KCNQ1: variants seen among roughly 807,000 people sequenced by gnomAD.
The protein encoded by KCNQ1 is potassium voltage-gated channel subfamily KQT member 1.
KCNQ1 carries 49 observed loss-of-function variants against 72.4 expected under a neutral mutation model. The observed-to-expected ratio is 0.68, with a 90% CI of 0.54 to 0.86. KCNQ1 has a LOEUF of 0.86. Among genes scored for constraint, KCNQ1 ranks in the 40% least tolerant of loss-of-function variants. The pLI is 0.00. For synonymous variants in KCNQ1, 450 were observed against 412.6 expected (o/e 1.09, Z -1.10); for missense variants, 790 against 945.1 (o/e 0.84, Z 2.15).
At chr11:2,688,316 G>A (rs1564858639) in intron 11 of KCNQ1, 2 of 398,650 alleles carry the variant, frequency 5.0e-6, no homozygotes, top group East Asian at 3.6e-5. Context: ...ATCTAAGCAC[G>A]TCACACACAC....
chr11:2,623,680 C>T lies in KCNQ1; in HGVS notation c.1393+34826C>T. 1.0e-5 allele frequency: 4 copies of T among 398,520 alleles called. No homozygotes were observed. The highest frequency in any genetic ancestry group is 1.3e-5 in the Non-Finnish European group (3 of 226,032). The allele number at this position is 398,520 out of a possible 1,614,324, so 24.7% of individuals were successfully genotyped here. A position where few individuals can be genotyped will look rare whatever the true frequency, so the allele number is the denominator to read the frequency against. ...ATCTGTCTACTCACCTATGGAAGGACATCTCGGTTGCTTCCAATTTCAACA... is the reference window on the plus strand; with the variant it reads ...ATCTGTCTACTCACCTATGGAAGGATATCTCGGTTGCTTCCAATTTCAACA... On this transcript the variant is annotated intron_variant, in intron 10 of 15. Coordinates refer to ENST00000155840, the MANE Select transcript of KCNQ1 (RefSeq NM_000218.3). This position sits in a 1 kb window ranked among gnomAD's most constrained non-coding sequence, Gnocchi z 5.2.
At chr11:2,615,102 T>G (rs891390649) in intron 10 of KCNQ1, 1 of 398,208 alleles carries the variant, frequency 2.5e-6, no homozygotes, top group South Asian at 1.3e-4. Flanking sequence ...AGTGCAGAAG[T>G]CTTTCACCTT....
rs1848771364 is a variant in KCNQ1, at chr11:2,599,433, ACT to A, written c.1393+10582_1393+10583del. On this transcript the variant is annotated intron_variant, in intron 10 of 15. Transcript: ENST00000155840. The surrounding 1 kb of genome is among the most constrained non-coding windows in gnomAD (Gnocchi z 4.7). ...CTGCTTAATTTCCTTTGGTGTACAT[ACT>A]CTGTGATGTTCTCTATCGCTTAAAA... Among the ~76,000 whole-genome samples the A allele has an allele frequency of 6.6e-6, 1 of 152,022 alleles. No homozygotes were observed. The highest frequency in any genetic ancestry group is 2.4e-5 in the African/African-American group (1 of 41,362).
At chr11:2,714,041 A>G (rs1306085637) in intron 11 of KCNQ1, among the ~76,000 whole-genome samples, 1 of 151,788 alleles carries the variant, frequency 6.6e-6, no homozygotes, top group African/African-American at 2.4e-5. Flanking sequence ...CCTCCCCCAC[A>G]CAGGCAGTCT....
rs558551294 is a variant in KCNQ1 at position 2,588,652 on chromosome 11, C to T, written c.1252-61C>T. The T allele has an allele frequency of 1.3e-5, 21 of 1,605,512 alleles. No homozygotes were observed. The highest frequency in any genetic ancestry group is 1.1e-4 in the East Asian group (5 of 44,788). On this transcript the variant is annotated intron_variant, in intron 9 of 15. Coordinates refer to ENST00000155840, the MANE Select transcript of KCNQ1 (RefSeq NM_000218.3). This position sits in a 1 kb window ranked among gnomAD's most constrained non-coding sequence, Gnocchi z 5.6. Reference sequence around the variant, plus strand: ...GGCGGCTGCACAGGCACTCTGGGGCCGGCGTAGGGCCTGGCAGACGATGTC... The same window carrying T: ...GGCGGCTGCACAGGCACTCTGGGGCTGGCGTAGGGCCTGGCAGACGATGTC...
At chr11:2,570,530 C>G in intron 2 of KCNQ1, 98 bp from the exon 3 acceptor site, 1 of 1,531,686 alleles carries the variant, frequency 6.5e-7, no homozygotes, top group Non-Finnish European at 8.9e-7. Context: ...TGTCCTTCAG[C>G]GGAGGCTCCA....
In KCNQ1 at chr11:2,548,688, ATCT is replaced by A. The variant is rs567549168; in HGVS notation, c.477+20678_477+20680del. Among the ~76,000 whole-genome samples the A allele has an allele frequency of 3.3e-4, 50 of 152,364 alleles. No homozygotes were observed. In the East Asian group the frequency reaches 6.7e-3, roughly 21 times the overall value. ...ATACAGTGACCCACTTCAAGGTGAC[ATCT>A]TCTTCTTGCATCTCAGATAGCACCA... is the stretch of plus-strand genomic sequence containing the variant. On this transcript the variant is annotated intron_variant, in intron 2 of 15. Coordinates refer to ENST00000155840, the MANE Select transcript of KCNQ1 (RefSeq NM_000218.3).
intron 10 of KCNQ1, chr11:2,629,371 C>G (rs1009618898): frequency 7.0e-5 from 28 of 398,222 alleles, no homozygotes; most frequent in Non-Finnish European, 1.2e-4. Context: ...TTTATCTGTG[C>G]CTTTCATATT....
In KCNQ1 at chr11:2,824,294, A is replaced by G. The variant is rs1189100648; in HGVS notation, c.1795-23473A>G. 2.0e-5 allele frequency among the ~76,000 whole-genome samples: 3 copies of G among 152,140 alleles called. No homozygotes were observed. The highest frequency in any genetic ancestry group is 7.2e-5 in the African/African-American group (3 of 41,432). On this transcript the variant is annotated intron_variant, in intron 15 of 15. Coordinates refer to ENST00000155840, the MANE Select transcript of KCNQ1 (RefSeq NM_000218.3). The surrounding 1 kb of genome is among the most constrained non-coding windows in gnomAD (Gnocchi z 5.9). ...CCCTGGGAGGAGGGAGGCTAGGCCC[A>G]GGGGTGGAAAGAAGACAGATACGAG...
At chr11:2,719,157 G>A (rs1851158766) in intron 11 of KCNQ1, among the ~76,000 whole-genome samples, 1 of 51,980 alleles carries the variant, frequency 1.9e-5, no homozygotes, top group South Asian at 9.5e-4. Flanking sequence ...CCAAGTCTCA[G>A]GCTTCTTGTC....
intron 15 of KCNQ1, among the ~76,000 whole-genome samples, chr11:2,812,738 C>T (rs1040993121): frequency 4.6e-5 from 7 of 152,214 alleles, no homozygotes; most frequent in African/African-American, 1.7e-4. Context: ...CCTTCCATGG[C>T]CGTGGGCCCC....
chr11:2,757,844 G>C (rs1192636563), intron 11 of KCNQ1, among the ~76,000 whole-genome samples: 1 of 152,158 alleles, frequency 6.6e-6, no homozygotes, highest in Non-Finnish European at 1.5e-5. Context: ...AGGAGCAGTT[G>C]GTCATTCATA....
At chr11:2,524,270 C>T (rs913923559) in intron 1 of KCNQ1, among the ~76,000 whole-genome samples, 3 of 152,274 alleles carry the variant, frequency 2.0e-5, no homozygotes, top group East Asian at 1.9e-4. Context: ...CCTGGCAAGT[C>T]GTCTCATACC....
At position 2,538,692 on chromosome 11, in the gene KCNQ1, C is replaced by G. The variant is rs1847775191; in HGVS notation, c.477+10674C>G. On this transcript the variant is annotated intron_variant, in intron 2 of 15. Transcript: ENST00000155840. The surrounding 1 kb of genome is among the most constrained non-coding windows in gnomAD (Gnocchi z 6.7). ...ATACGGGGCCTTGTGTGTGGAGGGG[C>G]CCTACGGTGAATCGTTTTCTGTAAC... is the stretch of plus-strand genomic sequence containing the variant. 6.6e-6 allele frequency among the ~76,000 whole-genome samples: 1 copy of G among 151,884 alleles called. No individual in the cohort carries two copies. Among genetic ancestry groups the G allele is most frequent in the African/African-American group, 2.4e-5 (1 of 41,310 alleles).
rs572395754 is a variant in KCNQ1, at chr11:2,547,921, G to C, written c.477+19903G>C. Among the ~76,000 whole-genome samples the C allele has an allele frequency of 9.2e-5, 14 of 152,374 alleles. No homozygotes were observed. The highest frequency in any genetic ancestry group is 3.3e-4 in the Admixed American group (5 of 15,314). Reference sequence around the variant, plus strand: ...AAGACCCGGATGGGGCGTGTGCCTGGCGCGGGTGGAGGGAGCTGTGAGGAG... The same window carrying C: ...AAGACCCGGATGGGGCGTGTGCCTGCCGCGGGTGGAGGGAGCTGTGAGGAG... On this transcript the variant is annotated intron_variant, in intron 2 of 15. Coordinates refer to ENST00000155840, the MANE Select transcript of KCNQ1 (RefSeq NM_000218.3). The surrounding 1 kb of genome is among the most constrained non-coding windows in gnomAD (Gnocchi z 4.2).
At chr11:2,807,846 C>T (rs544099493) in intron 15 of KCNQ1, among the ~76,000 whole-genome samples, 2 of 152,354 alleles carry the variant, frequency 1.3e-5, no homozygotes, top group South Asian at 4.1e-4. Flanking sequence ...CCTCCTGGCC[C>T]CCAATCCGGT....
chr11:2,530,981 G>T (rs2133655984), intron 2 of KCNQ1, among the ~76,000 whole-genome samples: 1 of 152,238 alleles, frequency 6.6e-6, no homozygotes, highest in Admixed American at 6.5e-5. Flanking sequence ...CCTGGGACTT[G>T]CCTGGTTTTA....
intron 11 of KCNQ1, among the ~76,000 whole-genome samples, chr11:2,721,188 G>C (rs546285351): frequency 6.6e-6 from 1 of 152,194 alleles, no homozygotes; most frequent in Middle Eastern, 3.2e-3. Context: ...GAGACAACTC[G>C]ACAAGTTACG....
intron 1 of KCNQ1, among the ~76,000 whole-genome samples, chr11:2,511,608 G>A (rs969262800): frequency 6.6e-6 from 1 of 152,166 alleles, no homozygotes; most frequent in Non-Finnish European, 1.5e-5. Flanking sequence ...CTGTTGGGCG[G>A]GACTGAGGAT....
Sources: gnomAD v4.1 joint callset for allele counts (sites outside exome capture counted in the v4.1 genomes callset) on GRCh38, gnomAD v4.1.1 for gene constraint, Gnocchi (gnomAD v3.1) non-coding constraint, MANE v1.5 for transcripts, NCBI Gene and HGNC (gene_info 2026-07-23, HGNC 2026-07-21) for gene names.